The following SPAG16 variants were observed in gnomAD, a reference collection of about 807,000 sequenced individuals.
SPAG16 encodes the protein sperm associated antigen 16.
A neutral mutation model predicts 80.4 loss-of-function variants in SPAG16; 86 were observed. The ratio of observed to expected loss-of-function variants is 1.07; its 90% CI spans 0.90 to 1.28. The LOEUF (loss-of-function observed/expected upper bound fraction) is 1.28, where lower values mean the gene tolerates loss of function less well. Ranked by LOEUF, SPAG16 falls within the 50% of genes most tolerant of loss-of-function variation. The pLI, the probability that SPAG16 is intolerant of heterozygous loss-of-function variation, is 0.00. For missense variants in SPAG16, 870 were observed against 765.3 expected (o/e 1.14, Z -1.61); for synonymous variants, 294 against 265.9 (o/e 1.11, Z -1.03).
chr2:214,054,304 C>T lies in SPAG16; in HGVS notation c.1527+40227C>T, dbSNP rs141195641. ...GGATTACAGGTGTGAGCCACTGTGC[C>T]CAGCCCTCACTTCCCCGTTTTAAAA... On this transcript the variant is annotated intron_variant, in intron 13 of 15. Coordinates refer to ENST00000331683, the MANE Select transcript of SPAG16 (RefSeq NM_024532.5). 9.8e-3 allele frequency among the ~76,000 whole-genome samples: 1,493 copies of T among 152,276 alleles called. 10 individuals are homozygous for T. The highest frequency in any genetic ancestry group is 0.016 in the Non-Finnish European group (1,086 of 68,004).
At chr2:213,464,334 C>A (rs2072555225) in intron 9 of SPAG16, among the ~76,000 whole-genome samples, 1 of 152,108 alleles carries the variant, frequency 6.6e-6, no homozygotes, top group African/African-American at 2.4e-5. Context: ...TTGATAATAT[C>A]ATGTTTCTTT....
chr2:213,671,629 A>G (rs139807310), intron 10 of SPAG16, among the ~76,000 whole-genome samples: 24 of 152,242 alleles, frequency 1.6e-4, no homozygotes, highest in Non-Finnish European at 3.2e-4. Context: ...CTTAATGACT[A>G]TGGTGTTTCC....
At chr2:213,893,571 G>T (rs761996533) in intron 11 of SPAG16, among the ~76,000 whole-genome samples, 2 of 152,090 alleles carry the variant, frequency 1.3e-5, no homozygotes, top group Non-Finnish European at 2.9e-5. Flanking sequence ...GAGCCAAAAT[G>T]TATGTGTGTG....
chr2:213,669,070 T>C (rs1350192484), intron 10 of SPAG16, among the ~76,000 whole-genome samples: 1 of 152,250 alleles, frequency 6.6e-6, no homozygotes, highest in East Asian at 1.9e-4. Flanking sequence ...TTTTCGTATT[T>C]GCTTAGTTAC....
intron 10 of SPAG16, among the ~76,000 whole-genome samples, chr2:213,666,116 A>G (rs1226137388): frequency 6.6e-6 from 1 of 152,158 alleles, no homozygotes; most frequent in Non-Finnish European, 1.5e-5. Context: ...AATCACAAAT[A>G]ATGAGAATAG....
intron 13 of SPAG16, among the ~76,000 whole-genome samples, chr2:214,022,280 T>C (rs550082016): frequency 6.6e-6 from 1 of 152,250 alleles, no homozygotes; most frequent in South Asian, 2.1e-4. Flanking sequence ...TCTGGACTTA[T>C]ATCCTATATT....
intron 15 of SPAG16, among the ~76,000 whole-genome samples, chr2:214,237,437 A>G (rs1689156114): frequency 6.6e-6 from 1 of 152,136 alleles, no homozygotes; most frequent in Non-Finnish European, 1.5e-5. Context: ...TCTTTACAGG[A>G]TGATATTTCT....
chr2:214,410,178 C>T lies in SPAG16; in HGVS notation c.1759C>T (p.His587Tyr). Residue 587 changes from histidine (H) to tyrosine (Y), a missense_variant, in exon 16 of 16, where the codon CAT becomes TAT. Transcript: ENST00000331683. The stretch of plus-strand genomic sequence containing the variant: ...TCAGGCAAGTGGCAATGGTGTTATC[C>T]ATTTGCTAGATCTTAAATCTGGGGA... ...LAQASGNGVIHLLDLKSGEIH... is the reference protein window; with the variant it reads ...LAQASGNGVIYLLDLKSGEIH... 2 of 1,613,736 alleles carry T rather than the reference C, an allele frequency of 1.2e-6. No individual in the cohort carries two copies. Among genetic ancestry groups the T allele is most frequent in the Non-Finnish European group, 1.7e-6 (2 of 1,179,696 alleles).
chr2:214,196,383 A>G (rs1157426891), intron 15 of SPAG16, among the ~76,000 whole-genome samples: 1 of 152,084 alleles, frequency 6.6e-6, no homozygotes, highest in Non-Finnish European at 1.5e-5. Context: ...TTTAGATACC[A>G]CTTAACAAAT....
At chr2:213,511,361 A>G (rs986513412) in intron 10 of SPAG16, among the ~76,000 whole-genome samples, 18 of 152,152 alleles carry the variant, frequency 1.2e-4, no homozygotes, top group Admixed American at 8.5e-4. Flanking sequence ...TTAAAATAAA[A>G]TACCATCGTT....
intron 15 of SPAG16, among the ~76,000 whole-genome samples, chr2:214,367,602 A>T (rs1051257338): frequency 6.6e-6 from 1 of 152,224 alleles, no homozygotes; most frequent in Non-Finnish European, 1.5e-5. Flanking sequence ...CTCTGAACTC[A>T]AAGAAGATTC....
At chr2:214,299,973 C>T (rs1157334758) in intron 15 of SPAG16, among the ~76,000 whole-genome samples, 1 of 152,096 alleles carries the variant, frequency 6.6e-6, no homozygotes, top group African/African-American at 2.4e-5. Context: ...CTTTTATCAA[C>T]TTTATAAGTC....
intron 10 of SPAG16, among the ~76,000 whole-genome samples, chr2:213,664,509 G>A (rs548134412): frequency 2.6e-5 from 4 of 152,144 alleles, no homozygotes; most frequent in East Asian, 3.9e-4. Context: ...CTAAGTACAC[G>A]GCTAGAGTGA....
At chr2:214,317,496 A>G (rs1695774693) in intron 15 of SPAG16, among the ~76,000 whole-genome samples, 1 of 152,180 alleles carries the variant, frequency 6.6e-6, no homozygotes, top group Admixed American at 6.5e-5. Context: ...AGATTCCCGA[A>G]CCCATGTTAA....
At chr2:213,524,918 T>C (rs1191722513) in intron 10 of SPAG16, among the ~76,000 whole-genome samples, 2 of 152,176 alleles carry the variant, frequency 1.3e-5, no homozygotes, top group Non-Finnish European at 2.9e-5. Context: ...GATTGTGTTT[T>C]GAAATGTGGG....
At chr2:213,893,387 T>A (rs1177504354) in intron 11 of SPAG16, among the ~76,000 whole-genome samples, 2 of 152,162 alleles carry the variant, frequency 1.3e-5, no homozygotes. Flanking sequence ...TAAAACCCAC[T>A]GTTATAATTA....
At position 213,322,352 on chromosome 2, in the gene SPAG16, AAAAAC is replaced by A. The variant is rs943601716; in HGVS notation, c.536+5001_536+5005del. Among the ~76,000 whole-genome samples, 36 of 112,220 alleles carry A rather than the reference AAAAAC, an allele frequency of 3.2e-4. 5 individuals carry two copies. Among genetic ancestry groups the A allele is most frequent in the African/African-American group, 2.9e-4 (9 of 30,966 alleles). 73.6% of individuals were successfully genotyped at this position (112,220 alleles called of 152,430 possible). A position where few individuals can be genotyped will look rare whatever the true frequency, so the allele number is the denominator to read the frequency against. ...GACAATGCAAAAAAAAAAAAAAAAA[AAAAAC>A]AAAAAACTCGTTTGGGTGATTGATT... On this transcript the variant is annotated intron_variant, in intron 5 of 15. Coordinates refer to ENST00000331683, the MANE Select transcript of SPAG16 (RefSeq NM_024532.5).
chr2:214,018,306 T>A (rs907694871), intron 13 of SPAG16, among the ~76,000 whole-genome samples: 4 of 152,136 alleles, frequency 2.6e-5, no homozygotes, highest in African/African-American at 9.6e-5. Flanking sequence ...TTTAAAAAAT[T>A]TATACTGTTA....
chr2:213,989,437 G>A (rs145869625), intron 12 of SPAG16, among the ~76,000 whole-genome samples: 39 of 152,136 alleles, frequency 2.6e-4, no homozygotes, highest in South Asian at 6.2e-4. Context: ...CACATGGTGC[G>A]TTATCATGGG....
Sources: gnomAD v4.1 joint callset for allele counts (sites outside exome capture counted in the v4.1 genomes callset) on GRCh38, gnomAD v4.1.1 for gene constraint, MANE v1.5 for transcripts, NCBI Gene and HGNC (gene_info 2026-07-23, HGNC 2026-07-21) for gene names.